SUFU: variants seen among roughly 807,000 people sequenced by gnomAD.
SUFU encodes SUFU negative regulator of hedgehog signaling, also known as suppressor of fused homolog.
SUFU carries 7 observed loss-of-function variants against 58.9 expected under a neutral mutation model. The ratio of observed to expected loss-of-function variants is 0.12; its 90% CI spans 0.07 to 0.22. SUFU has a LOEUF of 0.22. Among genes scored for constraint, SUFU ranks in the 10% least tolerant of loss-of-function variants. The pLI is 1.00. For missense variants in SUFU, 451 were observed against 641.3 expected (o/e 0.70, Z 3.20); for synonymous variants, 232 against 254.8 (o/e 0.91, Z 0.85).
At chr10:102,587,295 G>A (rs2135849718) in intron 3 of SUFU, among the ~76,000 whole-genome samples, 1 of 152,276 alleles carries the variant, frequency 6.6e-6, no homozygotes, top group East Asian at 1.9e-4. Flanking sequence ...GTTTTGCACA[G>A]CGGCTGCTTC....
At chr10:102,571,130 A>G (rs1268679155) in intron 3 of SUFU, among the ~76,000 whole-genome samples, 1 of 152,190 alleles carries the variant, frequency 6.6e-6, no homozygotes, top group African/African-American at 2.4e-5. Context: ...CTAAGAGAGG[A>G]GACTCTTAAC....
chr10:102,568,943 T>TAC (rs1564685826), intron 3 of SUFU, among the ~76,000 whole-genome samples: 1 of 78,912 alleles, frequency 1.3e-5, no homozygotes, highest in African/African-American at 4.6e-5. Context: ...TATATATATA[T>TAC]ATATATATAT....
chr10:102,514,256 G>A (rs1056468594), intron 2 of SUFU, among the ~76,000 whole-genome samples: 1 of 152,242 alleles, frequency 6.6e-6, no homozygotes, highest in East Asian at 1.9e-4. Flanking sequence ...ACAGCCTGTT[G>A]AGGGTAGGGA....
At chr10:102,520,818 A>G (rs1033488926) in intron 2 of SUFU, among the ~76,000 whole-genome samples, 1 of 152,132 alleles carries the variant, frequency 6.6e-6, no homozygotes, top group Non-Finnish European at 1.5e-5. Flanking sequence ...TCTTTTTATC[A>G]CTTGATACTA....
chr10:102,570,582 T>C (rs1385741937), intron 3 of SUFU, among the ~76,000 whole-genome samples: 1 of 152,082 alleles, frequency 6.6e-6, no homozygotes, highest in African/African-American at 2.4e-5. Context: ...TGACCCCTTC[T>C]TCTGTGTTCC....
chr10:102,559,381 G>A (rs1013294061), intron 3 of SUFU, among the ~76,000 whole-genome samples: 1 of 152,166 alleles, frequency 6.6e-6, no homozygotes, highest in Non-Finnish European at 1.5e-5. Context: ...CCCCACCTAA[G>A]AAGCCCCAGC....
At position 102,629,954 on chromosome 10, in the gene SUFU, C is replaced by T. The variant is rs1189272029; in HGVS notation, c.1366-112C>T. On this transcript the variant is annotated intron_variant, in intron 11 of 11. Coordinates refer to ENST00000369902, the MANE Select transcript of SUFU (RefSeq NM_016169.4). This position sits in a 1 kb window ranked among gnomAD's most constrained non-coding sequence, Gnocchi z 4.7. ...TTTGAGAATGAAGCCACGCCTCCCG[C>T]GGCCTGTCCTATCCCTAGCTCCCCG... The T allele has an allele frequency of 1.9e-5, 19 of 984,976 alleles. No individual in the cohort carries two copies. The highest frequency in any genetic ancestry group is 7.1e-5 in the East Asian group (3 of 42,018). The allele number at this position is 984,976 out of a possible 1,614,324, so 61.0% of individuals were successfully genotyped here. A position where few individuals can be genotyped will look rare whatever the true frequency, so the allele number is the denominator to read the frequency against.
chr10:102,598,608 A>AT (rs1051164294), intron 7 of SUFU, among the ~76,000 whole-genome samples: 3 of 152,232 alleles, frequency 2.0e-5, no homozygotes, highest in Admixed American at 6.5e-5. Context: ...AATTTCAGTC[A>AT]TTACTGGCTA....
intron 2 of SUFU, among the ~76,000 whole-genome samples, chr10:102,518,442 A>C (rs188664633): frequency 1.0e-3 from 159 of 152,320 alleles, no homozygotes; most frequent in Non-Finnish European, 1.6e-3. Flanking sequence ...GACTGAGTAG[A>C]GTTAACCAGA....
intron 6 of SUFU, among the ~76,000 whole-genome samples, chr10:102,595,311 C>A (rs1385614308): frequency 6.6e-6 from 1 of 152,222 alleles, no homozygotes; most frequent in Non-Finnish European, 1.5e-5. Flanking sequence ...ACAGATGATG[C>A]TCCTCTGTTT....
At position 102,627,205 on chromosome 10, in the gene SUFU, A is replaced by G. The variant is rs2063793886; in HGVS notation, c.1327A>G (p.Met443Val). Residue 443 changes from methionine (M) to valine (V), a missense_variant, in exon 11 of 12, where the codon ATG becomes GTG. Coordinates refer to ENST00000369902, the MANE Select transcript of SUFU (RefSeq NM_016169.4). ...GTTGACCGAAGAGTTTGTAGAGAAA[A>G]TGTTGGAGGATTTAGAAGATTTGAC... The part of the protein sequence containing the change: ...ILLTEEFVEK[M>V]LEDLEDLTSP... The G allele has an allele frequency of 6.2e-7, 1 of 1,614,120 alleles. No individual in the cohort carries two copies. The highest frequency in any genetic ancestry group is 1.1e-5 in the South Asian group (1 of 91,094).
intron 3 of SUFU, among the ~76,000 whole-genome samples, chr10:102,568,245 C>T (rs143488722): frequency 6.6e-6 from 1 of 150,664 alleles, no homozygotes; most frequent in Non-Finnish European, 1.5e-5. Context: ...ATTATACATG[C>T]TGAAAAGAAA....
intron 2 of SUFU, among the ~76,000 whole-genome samples, chr10:102,535,610 C>T (rs962987620): frequency 2.6e-5 from 4 of 152,142 alleles, no homozygotes; most frequent in East Asian, 1.9e-4. Flanking sequence ...CATGTGTTTC[C>T]GGAGGCACAT....
In SUFU at chr10:102,553,619, G is replaced by A. The variant is rs368016024; in HGVS notation, c.454+3513G>A. ...GCTGGGACTACAGGCGCCCGCCACC[G>A]CGCCCAGCTAATTTTTTGCGTTTTT... On this transcript the variant is annotated intron_variant, in intron 3 of 11. Transcript: ENST00000369902. 7.2e-5 allele frequency among the ~76,000 whole-genome samples: 11 copies of A among 152,116 alleles called. No individual in the cohort carries two copies. In the East Asian group the frequency reaches 1.4e-3, roughly 19 times the overall value.
In SUFU at chr10:102,617,377, C is replaced by T. The variant is rs144158469; in HGVS notation, c.1245C>T (p.Gly415=). Residue 415 remains glycine, a synonymous_variant, in exon 10 of 12, where the codon GGC becomes GGT. Coordinates refer to ENST00000369902, the MANE Select transcript of SUFU (RefSeq NM_016169.4). This position sits in a 1 kb window ranked among gnomAD's most constrained non-coding sequence, Gnocchi z 4.4. Reference sequence around the variant, plus strand: ...CGTTTGTCTCCACGGGAGTGGAAGGCGCCTTTGCCACTGAGGAGCATCCTT... The same window carrying T: ...CGTTTGTCTCCACGGGAGTGGAAGGTGCCTTTGCCACTGAGGAGCATCCTT... The part of the protein sequence containing the change: ...AITFVSTGVE[G]AFATEEHPYA... 105 of 1,614,236 alleles carry T rather than the reference C, an allele frequency of 6.5e-5. No homozygotes were observed. In the Admixed American group the frequency reaches 1.5e-3, roughly 23 times the overall value.
chr10:102,574,105 C>G (rs1262762525), intron 3 of SUFU, among the ~76,000 whole-genome samples: 2 of 152,036 alleles, frequency 1.3e-5, no homozygotes, highest in Non-Finnish European at 2.9e-5. Context: ...TAGGTCTCGC[C>G]CACACTTGGG....
chr10:102,546,926 C>T (rs138324406), intron 2 of SUFU, among the ~76,000 whole-genome samples: 1,977 of 152,340 alleles, frequency 0.013, 26 homozygotes, highest in Middle Eastern at 0.034. Context: ...TGGACACATG[C>T]GTGTGCACGC....
chr10:102,517,416 G>A (rs1454076657), intron 2 of SUFU, among the ~76,000 whole-genome samples: 1 of 152,196 alleles, frequency 6.6e-6, no homozygotes, highest in Non-Finnish European at 1.5e-5. Flanking sequence ...TTCCTCAAGA[G>A]ACTTGGAAGC....
At chr10:102,626,642 C>T (rs2063789258) in intron 10 of SUFU, among the ~76,000 whole-genome samples, 1 of 152,002 alleles carries the variant, frequency 6.6e-6, no homozygotes, top group Non-Finnish European at 1.5e-5. Flanking sequence ...AGACGTTGGT[C>T]CACAATCTCC....
Sources: gnomAD v4.1 joint callset for allele counts (sites outside exome capture counted in the v4.1 genomes callset) on GRCh38, gnomAD v4.1.1 for gene constraint, Gnocchi (gnomAD v3.1) non-coding constraint, MANE v1.5 for transcripts, NCBI Gene and HGNC (gene_info 2026-07-23, HGNC 2026-07-21) for gene names.